Variants in SMG5 observed in about 807,000 individuals in gnomAD.
SMG5 encodes nonsense-mediated mRNA decay factor SMG5.
Under a neutral mutation model 122.9 loss-of-function variants are expected in SMG5, and 53 were observed. The ratio of observed to expected loss-of-function variants is 0.43; its 90% confidence interval spans 0.35 to 0.54. The LOEUF (loss-of-function observed/expected upper bound fraction) is 0.54. Ranked by LOEUF, SMG5 falls within the 20% of genes least tolerant of loss-of-function variation. SMG5 has a pLI of 0.01. For synonymous variants in SMG5, 477 were observed against 490.2 expected, an observed-to-expected ratio of 0.97 and a Z score of 0.35; for missense variants, 1,153 against 1,285.6, an observed-to-expected ratio of 0.90 and a Z score of 1.58.
chr1:156,279,319 G>A (rs1410802484), intron 1 of SMG5, among the ~76,000 whole-genome samples: 1 of 150,982 alleles, frequency 6.6e-6, no homozygotes, highest in Non-Finnish European at 1.5e-5. Context: ...GCATTTAGTG[G>A]GTGCTGTTAA....
chr1:156,259,287 G>A (rs1030097414), intron 15 of SMG5, 124 bp from the exon 16 acceptor site: 1 of 1,019,570 alleles, frequency 9.8e-7, no homozygotes, highest in Non-Finnish European at 1.4e-6. Context: ...GCCAACAAGG[G>A]CTCCAGGGGA....
At chr1:156,290,218 A>C in the SMG5 span, 1 of 152,242 alleles carries the variant, frequency 6.6e-6, no homozygotes. Context: ...AGGGAAAAAT[A>C]ACTTTTTGCT....
Position 156,274,651 on chromosome 1 carries a change from TCTC to T in SMG5, c.487_489del (p.Glu163del). On this transcript the variant is annotated inframe_deletion, in exon 5 of 22. Coordinates refer to ENST00000361813, the MANE Select transcript of SMG5 (RefSeq NM_015327.3). ...TGACATGCCATCTGTGCCCAATCCATCTCCTTCCCTGAGGCAGACACTGGCTTC... is the reference window on the plus strand; with the variant it reads ...TGACATGCCATCTGTGCCCAATCCATCTTCCCTGAGGCAGACACTGGCTTC... The T allele has an allele frequency of 6.2e-7, 1 of 1,613,840 alleles. No homozygotes were observed. The highest frequency in any genetic ancestry group is 1.7e-4 in the Middle Eastern group (1 of 6,060).
chr1:156,259,676 G>A (rs535169224), intron 15 of SMG5, among the ~76,000 whole-genome samples: 16 of 151,934 alleles, frequency 1.1e-4, no homozygotes, highest in Non-Finnish European at 1.8e-4. Context: ...CTACAGGTGC[G>A]CACCACCATG....
At chr1:156,267,850 G>A (rs149448082) in intron 9 of SMG5, among the ~76,000 whole-genome samples, 172 bp from the exon 10 acceptor site, 124 of 152,314 alleles carry the variant, frequency 8.1e-4, no homozygotes, top group Middle Eastern at 3.4e-3. Flanking sequence ...AACAGGGGAA[G>A]GGATGTGAGT....
Position 156,265,774 on chromosome 1 carries a change from C to T in SMG5, c.1855+7G>A. The T allele has an allele frequency of 2.5e-6, 4 of 1,611,274 alleles. No individual in the cohort carries two copies. Among genetic ancestry groups the T allele is most frequent in the Non-Finnish European group, 3.4e-6 (4 of 1,178,450 alleles). ...ACCAGAACAGGATGATGAAGTGGTC[C>T]AAATACCTGGCTCTGAAGGCTTGTC... On this transcript the variant is annotated splice_region_variant and intron_variant, in intron 12 of 21. Coordinates refer to ENST00000361813, the MANE Select transcript of SMG5 (RefSeq NM_015327.3).
At chr1:156,262,935 C>G (rs1227937776) in intron 13 of SMG5, among the ~76,000 whole-genome samples, 1 of 152,206 alleles carries the variant, frequency 6.6e-6, no homozygotes, top group East Asian at 1.9e-4. Context: ...TCCATGGCAG[C>G]CGGCTTGACA....
In SMG5 at chr1:156,256,052, G is replaced by T. The variant is rs560164405; in HGVS notation, c.2443-2544C>A. The stretch of plus-strand genomic sequence containing the variant: ...AACTGAGAACTGTCAGAGATTGCAT[G>T]AGACTAAGGATACATGACAGTCAAA... On this transcript the variant is annotated intron_variant, in intron 16 of 21. Coordinates refer to ENST00000361813, the MANE Select transcript of SMG5 (RefSeq NM_015327.3). Among the ~76,000 whole-genome samples the T allele has an allele frequency of 3.3e-5, 5 of 152,338 alleles. No homozygotes were observed. In the East Asian group the frequency reaches 9.6e-4, roughly 29 times the overall value.
chr1:156,268,014 G>A, intron 9 of SMG5, 101 bp downstream of exon 9: 1 of 1,220,550 alleles, frequency 8.2e-7, no homozygotes, highest in South Asian at 1.4e-5. Flanking sequence ...TGTTCAAACT[G>A]AGGGCAGAAC....
At chr1:156,274,890 T>C (rs1481232056) in intron 4 of SMG5, among the ~76,000 whole-genome samples, 2 of 151,900 alleles carry the variant, frequency 1.3e-5, no homozygotes, top group East Asian at 1.9e-4. Flanking sequence ...CAGAGACTTA[T>C]AGGCAGATTC....
At chr1:156,270,398 C>T (rs1022362731) in intron 7 of SMG5, among the ~76,000 whole-genome samples, 3 of 152,314 alleles carry the variant, frequency 2.0e-5, no homozygotes, top group Admixed American at 6.5e-5. Context: ...TAAGACCACA[C>T]AGAGGAGAGG....
upstream of SMG5, chr1:156,285,739 G>GC: frequency 6.2e-7 from 1 of 1,613,224 alleles, no homozygotes; most frequent in Non-Finnish European, 8.5e-7. Flanking sequence ...ACCCCACTGA[G>GC]CGCAAGTGGG....
At chr1:156,287,183 G>A (rs1663191600), upstream of SMG5, among the ~76,000 whole-genome samples, 2 of 152,060 alleles carry the variant, frequency 1.3e-5, no homozygotes, top group African/African-American at 2.4e-5. Flanking sequence ...TTGGGAGGCT[G>A]AGGTGGGTGG....
intron 6 of SMG5, 100 bp from the exon 7 acceptor site, chr1:156,272,498 A>C: frequency 1.1e-6 from 1 of 947,350 alleles, no homozygotes; most frequent in South Asian, 1.4e-5. Context: ...TAGGGAGAAC[A>C]GCTGGGTCTG....
rs772955102 is a variant in SMG5, at chr1:156,250,673, G to A, written c.2968-3C>T. On this transcript the variant is annotated splice_polypyrimidine_tract_variant and splice_region_variant and intron_variant, in intron 21 of 21. Coordinates refer to ENST00000361813, the MANE Select transcript of SMG5 (RefSeq NM_015327.3). ...TGGGCAGCGGCCTGCAGGGCTGCCT[G>A]TGGAATGGGAGAAGGAAAGATGGAG... 2.5e-6 allele frequency: 4 copies of A among 1,613,808 alleles called. No homozygotes were observed. In the South Asian group the frequency reaches 4.4e-5, roughly 18 times the overall value.
intron 6 of SMG5, among the ~76,000 whole-genome samples, chr1:156,272,811 G>A (rs1226415705): frequency 3.9e-5 from 6 of 152,000 alleles, no homozygotes; most frequent in African/African-American, 1.2e-4. Flanking sequence ...TGATCTGCCC[G>A]CCTCAGCCTC....
intron 1 of SMG5, among the ~76,000 whole-genome samples, chr1:156,280,328 G>A (rs548377381): frequency 4.1e-4 from 63 of 152,186 alleles, no homozygotes; most frequent in Non-Finnish European, 8.8e-4. Context: ...ACGTGCTCCC[G>A]GGCCAGGAAA....
At chr1:156,283,683 G>T (rs1254409002), upstream of SMG5, among the ~76,000 whole-genome samples, 10 of 152,126 alleles carry the variant, frequency 6.6e-5, no homozygotes, top group Non-Finnish European at 1.5e-4. Context: ...AACATAAATT[G>T]CCCTTCTACC....
At chr1:156,283,123 C>T (rs1255257069), upstream of SMG5, 138 of 328,394 alleles carry the variant, frequency 4.2e-4, 2 homozygotes, top group Non-Finnish European at 1.7e-5. Flanking sequence ...TTGGTCCATC[C>T]TTCTGCCCCT....
Sources: allele counts gnomAD v4.1 joint callset (sites outside exome capture counted in the v4.1 genomes callset), GRCh38; gene constraint gnomAD v4.1.1; transcripts MANE v1.5; gene names NCBI Gene and HGNC (gene_info 2026-07-23, HGNC 2026-07-21).